The following LTB4R2 variants were observed in gnomAD, a reference collection of about 807,000 sequenced individuals.
LTB4R2 encodes leukotriene B4 receptor 2.
Under a neutral mutation model 5.3 loss-of-function variants are expected in LTB4R2, and 6 were observed. The ratio of observed to expected loss-of-function variants is 1.14; its 90% CI spans 0.62 to 2.24. The LOEUF (loss-of-function observed/expected upper bound fraction) is 2.24. LTB4R2 is among the 30% of genes most tolerant of loss of function. The pLI is 0.00. For missense variants in LTB4R2, 560 were observed against 521.5 expected, an observed-to-expected ratio of 1.07 and a Z score of -0.72; for synonymous variants, 310 against 264.2, an observed-to-expected ratio of 1.17 and a Z score of -1.68.
chr14:24,310,343 C>T, intron 1 of LTB4R2, 88 bp downstream of exon 1: 4 of 601,914 alleles, frequency 6.6e-6, no homozygotes, highest in East Asian at 5.5e-5. Context: ...GAAGGAGGGG[C>T]CAGACTAGAG....
intron 1 of LTB4R2, 125 bp from the exon 2 acceptor site, chr14:24,310,530 C>T (rs769027824): frequency 2.0e-6 from 2 of 982,962 alleles, no homozygotes; most frequent in South Asian, 2.7e-5. Context: ...TCAGGACTCC[C>T]AGGCAGAAAA....
Position 24,311,700 on chromosome 14 carries a change from G to C in LTB4R2, c.1036G>C (p.Gly346Arg), listed in dbSNP as rs537811819. The C allele has an allele frequency of 1.9e-4, 303 of 1,606,404 alleles. 2 individuals carry two copies. The Admixed American group carries it at 4.9e-3, about 26-fold the overall frequency. The change falls in exon 2 of 2, where the codon GGG becomes CGG. Residue 346 changes from glycine to arginine, a missense_variant. Gly to Arg is a moderately radical substitution (Grantham distance 125, BLOSUM62 -2). Transcript: ENST00000533293. ...GCAGGGCCGCGGCAATGGAGACCCGGGGGGTGGGATGGAGAAGGACGGTCC... is the reference window on the plus strand; with the variant it reads ...GCAGGGCCGCGGCAATGGAGACCCGCGGGGTGGGATGGAGAAGGACGGTCC... Reference protein sequence around the residue: ...VGQGRGNGDPGGGMEKDGPEW... With the variant: ...VGQGRGNGDPRGGMEKDGPEW...
Position 24,311,537 on chromosome 14 carries a change from C to T in LTB4R2, c.873C>T (p.Thr291=). 6.2e-7 allele frequency: 1 copy of T among 1,605,776 alleles called. No individual in the cohort carries two copies. ...SSVNPVLYVF[T]AGDLLPRAGP... is the part of the protein sequence containing the mutation. ...TCAACCCGGTGCTCTACGTCTTCAC[C>T]GCTGGAGATCTGCTGCCCCGGGCAG... Residue 291 remains threonine, a synonymous_variant, in exon 2 of 2, where the codon ACC becomes ACT. Coordinates refer to ENST00000533293, the MANE Select transcript of LTB4R2 (RefSeq NM_019839.5).
chr14:24,310,415 T>C lies in LTB4R2; in HGVS notation c.-11+160T>C, dbSNP rs1320550334. On this transcript the variant is annotated intron_variant, in intron 1 of 1. Transcript: ENST00000533293. ...ACTTTATGCCTGTTTACCACTGAGC[T>C]CTGGGAAGGAGGCCAGGAGTGGGGC... is the stretch of plus-strand genomic sequence containing the variant. 6.1e-6 allele frequency: 4 copies of C among 651,306 alleles called. No homozygotes were observed. In the East Asian group the frequency reaches 8.1e-5, roughly 13 times the overall value. 40.3% of individuals were successfully genotyped at this position (651,306 alleles called of 1,614,324 possible).
At chr14:24,310,356 G>A in intron 1 of LTB4R2, 101 bp downstream of exon 1, 2 of 607,524 alleles carry the variant, frequency 3.3e-6, no homozygotes, top group Admixed American at 5.9e-5. Context: ...GACTAGAGGA[G>A]TGGTGGTAGA....
rs2041714822 is a variant in LTB4R2, at chr14:24,311,825, G to A, written c.*84G>A. 4 of 1,263,278 alleles carry A rather than the reference G, an allele frequency of 3.2e-6. No individual in the cohort carries two copies. The highest frequency in any genetic ancestry group is 1.5e-5 in the African/African-American group (1 of 66,324). The allele number at this position is 1,263,278 out of a possible 1,614,324, so 78.3% of individuals were successfully genotyped here. A position where few individuals can be genotyped will look rare whatever the true frequency, so the allele number is the denominator to read the frequency against. On this transcript the variant is annotated 3_prime_UTR_variant, in exon 2 of 2. Transcript: ENST00000533293. Reference sequence around the variant, plus strand: ...CAGAGGTCAGTGTTCTGGGACATTTGGGGACCCTTCTTTGACTAGAGTTTG... The same window carrying A: ...CAGAGGTCAGTGTTCTGGGACATTTAGGGACCCTTCTTTGACTAGAGTTTG...
rs775233136 is a variant in LTB4R2 at position 24,310,709 on chromosome 14, C to T, written c.45C>T (p.Ser15=). The change falls in exon 2 of 2, where the codon AGC becomes AGT. Residue 15 remains serine (S), a synonymous_variant. Coordinates refer to ENST00000533293, the MANE Select transcript of LTB4R2 (RefSeq NM_019839.5). ...CCCCAGGGAACGAGACACTGCTGAGCTGGAAGACTTCGCGGGCCACAGGCA... is the reference window on the plus strand; with the variant it reads ...CCCCAGGGAACGAGACACTGCTGAGTTGGAAGACTTCGCGGGCCACAGGCA... The part of the protein sequence containing the change: ...YRPPGNETLL[S]WKTSRATGTA... The T allele has an allele frequency of 3.7e-6, 6 of 1,613,090 alleles. No homozygotes were observed. Among genetic ancestry groups the T allele is most frequent in the Non-Finnish European group, 5.1e-6 (6 of 1,179,980 alleles).
At position 24,310,753 on chromosome 14, in the gene LTB4R2, C is replaced by T. The variant is rs996761807; in HGVS notation, c.89C>T (p.Ala30Val). Residue 30 changes from alanine (A) to valine (V), a missense_variant, in exon 2 of 2, where the codon GCG (alanine) becomes GTG (valine). Physicochemically the swap from Ala to Val is moderately conservative, Grantham distance 64 (BLOSUM62 0). Coordinates refer to ENST00000533293, the MANE Select transcript of LTB4R2 (RefSeq NM_019839.5). ...ACAGGCACAGCCTTCCTGCTGCTGG[C>T]GGCGCTGCTGGGGCTGCCTGGCAAC... ...RATGTAFLLL[A>V]ALLGLPGNGF... 1.9e-6 allele frequency: 3 copies of T among 1,610,600 alleles called. No homozygotes were observed. Among genetic ancestry groups the T allele is most frequent in the Non-Finnish European group, 2.5e-6 (3 of 1,179,728 alleles).
In LTB4R2 at chr14:24,311,477, G is replaced by A. The variant is rs752851360; in HGVS notation, c.813G>A (p.Ala271=). 3 of 1,601,422 alleles carry A rather than the reference G, an allele frequency of 1.9e-6. No homozygotes were observed. The highest frequency in any genetic ancestry group is 1.7e-5 in the Admixed American group (1 of 60,030). ...GCGGAGCCGGCCAGGCGGCGCGAGC[G>A]GGAACTACGGCCTTGGCCTTCTTCA... The part of the protein sequence containing the change: ...KLGGAGQAAR[A]GTTALAFFSS... Residue 271 remains alanine (A), a synonymous_variant, in exon 2 of 2, where the codon GCG becomes GCA. Coordinates refer to ENST00000533293, the MANE Select transcript of LTB4R2 (RefSeq NM_019839.5).
Position 24,310,652 on chromosome 14 carries a change from T to C in LTB4R2, c.-10-3T>C. On this transcript the variant is annotated splice_region_variant and splice_polypyrimidine_tract_variant and intron_variant, in intron 1 of 1. Coordinates refer to ENST00000533293, the MANE Select transcript of LTB4R2 (RefSeq NM_019839.5). ...CTCTGTGGCGCCTTCCACCCACCTG[T>C]AGGCCCAGAAGGATGTCGGTCTGCT... 1 of 1,614,020 alleles carries C rather than the reference T, an allele frequency of 6.2e-7. No homozygotes were observed.
chr14:24,311,250 C>G lies in LTB4R2; in HGVS notation c.586C>G (p.Leu196Val). Residue 196 changes from leucine to valine, a missense_variant, in exon 2 of 2, where the codon CTG becomes GTG. By Grantham distance (32) the Leu-to-Val change is conservative. Coordinates refer to ENST00000533293, the MANE Select transcript of LTB4R2 (RefSeq NM_019839.5). Reference protein sequence around the residue: ...TLTAFVLPFGLMLGCYSVTLA... With the variant: ...TLTAFVLPFGVMLGCYSVTLA... ...GACCGCTTTCGTGCTTCCTTTCGGG[C>G]TGATGCTCGGCTGCTACAGCGTGAC... is the stretch of plus-strand genomic sequence containing the variant. 1 of 1,606,752 alleles carries G rather than the reference C, an allele frequency of 6.2e-7. No individual in the cohort carries two copies. The highest frequency in any genetic ancestry group is 8.5e-7 in the Non-Finnish European group (1 of 1,177,026).
rs2041713484 is a variant in LTB4R2 at position 24,311,764 on chromosome 14, C to T, written c.*23C>T. The T allele has an allele frequency of 2.0e-6, 3 of 1,527,314 alleles. No individual in the cohort carries two copies. Among genetic ancestry groups the T allele is most frequent in the Non-Finnish European group, 2.7e-6 (3 of 1,130,980 alleles). The allele number at this position is 1,527,314 out of a possible 1,614,324, so 94.6% of individuals were successfully genotyped here. A position where few individuals can be genotyped will look rare whatever the true frequency, so the allele number is the denominator to read the frequency against. On this transcript the variant is annotated 3_prime_UTR_variant, in exon 2 of 2. Coordinates refer to ENST00000533293, the MANE Select transcript of LTB4R2 (RefSeq NM_019839.5). The stretch of plus-strand genomic sequence containing the variant: ...TGACAGCAGACCCTACAACCTGCTG[C>T]CCTTCCCTGTCCCTTTCCACCCCCC...
rs375118624 is a variant in LTB4R2, at chr14:24,311,726, G to A, written c.1062G>A (p.Pro354=). Residue 354 remains proline, a synonymous_variant, in exon 2 of 2, where the codon CCG becomes CCA. Coordinates refer to ENST00000533293, the MANE Select transcript of LTB4R2 (RefSeq NM_019839.5). ...DPGGGMEKDG[P]EWDL The stretch of plus-strand genomic sequence containing the variant: ...GGGGTGGGATGGAGAAGGACGGTCC[G>A]GAATGGGACCTTTGACAGCAGACCC... 3.1e-5 allele frequency: 49 copies of A among 1,585,726 alleles called. No homozygotes were observed. Among genetic ancestry groups the A allele is most frequent in the Non-Finnish European group, 4.1e-5 (48 of 1,164,316 alleles).
In LTB4R2 at chr14:24,311,351, C is replaced by T; in HGVS notation, c.687C>T (p.Ile229=). The T allele has an allele frequency of 6.2e-7, 1 of 1,605,752 alleles. No homozygotes were observed. The highest frequency in any genetic ancestry group is 8.5e-7 in the Non-Finnish European group (1 of 1,179,064). Residue 229 remains isoleucine (I), a synonymous_variant, in exon 2 of 2, where the codon ATC becomes ATT. Transcript: ENST00000533293. ...GGGTGGGCCGGCTGGTGAGCGCCAT[C>T]GTGCTTGCCTTCGGCTTGCTCTGGG... is the stretch of plus-strand genomic sequence containing the variant. ...GARVGRLVSA[I]VLAFGLLWAP...
rs1229955764 is a variant in LTB4R2, at chr14:24,310,677, T to C, written c.13T>C (p.Tyr5His). The change falls in exon 2 of 2, where the codon TAC becomes CAC. Residue 5 changes from tyrosine to histidine, a missense_variant. Tyr to His is a moderately conservative substitution (Grantham distance 83, BLOSUM62 2). Transcript: ENST00000533293. ...TAGGCCCAGAAGGATGTCGGTCTGCTACCGTCCCCCAGGGAACGAGACACT... is the reference window on the plus strand; with the variant it reads ...TAGGCCCAGAAGGATGTCGGTCTGCCACCGTCCCCCAGGGAACGAGACACT... MSVC[Y>H]RPPGNETLLS... 8.7e-6 allele frequency: 14 copies of C among 1,613,908 alleles called. No homozygotes were observed. The highest frequency in any genetic ancestry group is 1.1e-5 in the Non-Finnish European group (13 of 1,180,016).
rs1375735790 is a variant in LTB4R2, at chr14:24,311,620, G to A, written c.956G>A (p.Arg319His). The A allele has an allele frequency of 2.5e-6, 4 of 1,612,986 alleles. No individual in the cohort carries two copies. The highest frequency in any genetic ancestry group is 3.4e-6 in the Non-Finnish European group (4 of 1,180,032). Residue 319 changes from arginine (R) to histidine (H), a missense_variant, in exon 2 of 2, where the codon CGC becomes CAC. Arg to His is a conservative substitution (Grantham distance 29). Transcript: ENST00000533293. ...TCTGGGGAGGCCCGAGGGGGCGGCCGCTCTAGGGAAGGGACCATGGAGCTC... is the reference window on the plus strand; with the variant it reads ...TCTGGGGAGGCCCGAGGGGGCGGCCACTCTAGGGAAGGGACCATGGAGCTC... ...EGSGEARGGG[R>H]SREGTMELRT...
chr14:24,310,729 C>T lies in LTB4R2; in HGVS notation c.65C>T (p.Thr22Ile), dbSNP rs762316668. ...TLLSWKTSRATGTAFLLLAAL... is the reference protein window; with the variant it reads ...TLLSWKTSRAIGTAFLLLAAL... ...CTGAGCTGGAAGACTTCGCGGGCCA[C>T]AGGCACAGCCTTCCTGCTGCTGGCG... is the stretch of plus-strand genomic sequence containing the variant. Residue 22 changes from threonine (T) to isoleucine (I), a missense_variant, in exon 2 of 2, where the codon ACA becomes ATA. Thr to Ile is a moderately conservative substitution (Grantham distance 89, BLOSUM62 -1). Transcript: ENST00000533293. 1.2e-5 allele frequency: 20 copies of T among 1,612,578 alleles called. No homozygotes were observed. The highest frequency in any genetic ancestry group is 1.4e-5 in the Non-Finnish European group (17 of 1,179,982).
Position 24,311,605 on chromosome 14 carries a change from C to T in LTB4R2, c.941C>T (p.Ala314Val), listed in dbSNP as rs775744295. Residue 314 changes from alanine to valine, a missense_variant, in exon 2 of 2, where the codon GCC becomes GTC. Ala to Val is a moderately conservative substitution (Grantham distance 64, BLOSUM62 0). Transcript: ENST00000533293. The stretch of plus-strand genomic sequence containing the variant: ...CGGCTCTTCGAAGGCTCTGGGGAGG[C>T]CCGAGGGGGCGGCCGCTCTAGGGAA... ...LTRLFEGSGE[A>V]RGGGRSREGT... 7 of 1,612,384 alleles carry T rather than the reference C, an allele frequency of 4.3e-6. No individual in the cohort carries two copies. Among genetic ancestry groups the T allele is most frequent in the African/African-American group, 4.0e-5 (3 of 74,932 alleles).
Position 24,310,951 on chromosome 14 carries a change from C to A in LTB4R2, c.287C>A (p.Ala96Glu). The part of the protein sequence containing the change: ...AWPLGQAGCK[A>E]VYYVCALSMY... Reference sequence around the variant, plus strand: ...CCGCTGGGCCAGGCGGGCTGCAAGGCGGTGTACTACGTGTGCGCGCTCAGC... The same window carrying A: ...CCGCTGGGCCAGGCGGGCTGCAAGGAGGTGTACTACGTGTGCGCGCTCAGC... The change falls in exon 2 of 2, where the codon GCG becomes GAG. Residue 96 changes from alanine (A) to glutamate (E), a missense_variant. Physicochemically the swap from Ala to Glu is moderately radical, Grantham distance 107. Transcript: ENST00000533293. The A allele has an allele frequency of 6.3e-7, 1 of 1,591,926 alleles. No individual in the cohort carries two copies. Among genetic ancestry groups the A allele is most frequent in the Non-Finnish European group, 8.5e-7 (1 of 1,177,066 alleles).
Sources: allele counts gnomAD v4.1 joint callset, GRCh38; gene constraint gnomAD v4.1.1; transcripts MANE v1.5; gene names NCBI Gene and HGNC (gene_info 2026-07-23, HGNC 2026-07-21).